Variants in SOX5 observed in about 807,000 individuals in gnomAD.
SOX5 encodes the protein transcription factor SOX-5.
SOX5 carries 9 observed loss-of-function variants against 92.0 expected under a neutral mutation model. That is an observed-to-expected ratio of 0.10 (90% confidence interval 0.06 to 0.17). The LOEUF (loss-of-function observed/expected upper bound fraction) is 0.17, where lower values mean the gene tolerates loss of function less well. Among genes scored for constraint, SOX5 ranks in the 10% least tolerant of loss-of-function variants. The pLI is 1.00. For missense variants in SOX5, 642 were observed against 944.5 expected (o/e 0.68, Z 4.20); for synonymous variants, 344 against 336.3 (o/e 1.02, Z -0.25).
chr12:24,096,811 G>C (rs1484339375), intron 4 of SOX5, among the ~76,000 whole-genome samples: 1 of 151,976 alleles, frequency 6.6e-6, no homozygotes, highest in Non-Finnish European at 1.5e-5. Context: ...ATAACTTTTT[G>C]GTTATGATTA....
Position 24,108,593 on chromosome 12 carries a change from T to C in SOX5, c.-2+104750A>G, listed in dbSNP as rs74596469. ...GTTTAAAATGACATTAATTATAGCC[T>C]ATTAACAAATTCAGAAATCCTATCT... On this transcript the variant is annotated intron_variant, in intron 4 of 4. Coordinates refer to the SOX5 transcript ENST00000446891. Among the ~76,000 whole-genome samples, 480 of 152,284 alleles carry C rather than the reference T, an allele frequency of 3.2e-3. 15 individuals carry two copies. In the East Asian group the frequency reaches 0.085, roughly 27 times the overall value.
chr12:24,359,818 G>A (rs1421623136), intron 2 of SOX5, among the ~76,000 whole-genome samples: 2 of 152,124 alleles, frequency 1.3e-5, no homozygotes, highest in African/African-American at 4.8e-5. Flanking sequence ...AAAGACATTT[G>A]AATAGCCTTG....
At chr12:24,513,693 T>TA (rs1376859484) in intron 1 of SOX5, among the ~76,000 whole-genome samples, 1 of 152,212 alleles carries the variant, frequency 6.6e-6, no homozygotes, top group East Asian at 1.9e-4. Flanking sequence ...TTGATCTGTT[T>TA]AAAAAATGAA....
chr12:23,802,509 C>A (rs1182899391), intron 3 of SOX5, among the ~76,000 whole-genome samples: 2 of 151,468 alleles, frequency 1.3e-5, no homozygotes, highest in Non-Finnish European at 2.9e-5. Flanking sequence ...TTTTTTTAAC[C>A]AATTTTGGAG....
intron 1 of SOX5, among the ~76,000 whole-genome samples, chr12:24,547,774 C>T (rs927608353): frequency 1.8e-4 from 27 of 152,194 alleles, no homozygotes; most frequent in Admixed American, 1.7e-3. Flanking sequence ...TATCACTATA[C>T]TTATCCCAAT....
chr12:24,135,261 A>G (rs1174046888), intron 4 of SOX5, among the ~76,000 whole-genome samples: 1 of 152,152 alleles, frequency 6.6e-6, no homozygotes, highest in African/African-American at 2.4e-5. Context: ...CCCGCCTCAG[A>G]TATAGCAACC....
At chr12:23,836,766 G>C (rs941092206) in intron 3 of SOX5, among the ~76,000 whole-genome samples, 1 of 151,964 alleles carries the variant, frequency 6.6e-6, no homozygotes, top group African/African-American at 2.4e-5. Flanking sequence ...ATCACAACCT[G>C]CTGTTCATTT....
chr12:23,905,719 C>G (rs574570260), intron 1 of SOX5, among the ~76,000 whole-genome samples: 1 of 152,020 alleles, frequency 6.6e-6, no homozygotes, highest in South Asian at 2.1e-4. Context: ...ATTTGTGACT[C>G]CTATGTACAA....
At chr12:24,380,234 C>T (rs1305870285) in intron 1 of SOX5, among the ~76,000 whole-genome samples, 1 of 152,196 alleles carries the variant, frequency 6.6e-6, no homozygotes, top group African/African-American at 2.4e-5. Flanking sequence ...GCTATCTATC[C>T]GCCCAAAGTT....
At chr12:24,276,369 G>C (rs1273895673) in intron 3 of SOX5, among the ~76,000 whole-genome samples, 1 of 152,064 alleles carries the variant, frequency 6.6e-6, no homozygotes, top group Non-Finnish European at 1.5e-5. Flanking sequence ...ATCTTGAAAT[G>C]GTGGGAACAT....
chr12:24,497,181 A>G (rs551736528), intron 1 of SOX5, among the ~76,000 whole-genome samples: 4 of 152,258 alleles, frequency 2.6e-5, no homozygotes, highest in Non-Finnish European at 5.9e-5. Context: ...GAAAATTAAT[A>G]AGATGTATCT....
At chr12:24,175,465 A>T (rs1195955621) in intron 4 of SOX5, among the ~76,000 whole-genome samples, 2 of 152,246 alleles carry the variant, frequency 1.3e-5, no homozygotes, top group African/African-American at 4.8e-5. Flanking sequence ...CCTGTGCAGT[A>T]AGCACAGTGC....
chr12:23,733,277 A>C (rs932090214), intron 6 of SOX5, among the ~76,000 whole-genome samples: 2 of 152,208 alleles, frequency 1.3e-5, no homozygotes, highest in Non-Finnish European at 2.9e-5. Context: ...CTTACTTAGA[A>C]TAAGAAAGTG....
chr12:23,570,979 A>T (rs1288099770), intron 10 of SOX5, among the ~76,000 whole-genome samples: 8 of 84,304 alleles, frequency 9.5e-5, no homozygotes, highest in African/African-American at 2.9e-4. Context: ...ATATATATAT[A>T]TATATTTTCA....
intron 6 of SOX5, among the ~76,000 whole-genome samples, chr12:23,683,610 A>G (rs193047982): frequency 3.3e-5 from 5 of 152,112 alleles, no homozygotes; most frequent in Admixed American, 3.3e-4. Context: ...GGAAACCTTT[A>G]GTATGTAAAT....
At chr12:23,896,601 G>T (rs2097179913) in intron 1 of SOX5, among the ~76,000 whole-genome samples, 2 of 151,046 alleles carry the variant, frequency 1.3e-5, no homozygotes. Flanking sequence ...ATTAAGGATT[G>T]AATAAATTTT....
chr12:23,628,723 G>A (rs1200241844), intron 8 of SOX5, among the ~76,000 whole-genome samples: 2 of 151,646 alleles, frequency 1.3e-5, no homozygotes, highest in Non-Finnish European at 2.9e-5. Context: ...TCTTGTTTTC[G>A]TACCCTCAAT....
At chr12:23,563,880 G>C (rs1465390706) in intron 10 of SOX5, among the ~76,000 whole-genome samples, 2 of 152,012 alleles carry the variant, frequency 1.3e-5, no homozygotes, top group African/African-American at 2.4e-5. Flanking sequence ...GCACTATTAA[G>C]TTTGTTATAT....
chr12:24,464,072 C>A (rs1190564504), intron 1 of SOX5, among the ~76,000 whole-genome samples: 1 of 152,136 alleles, frequency 6.6e-6, no homozygotes, highest in Non-Finnish European at 1.5e-5. Flanking sequence ...AGGGACTACT[C>A]TAGATAGGAT....
Sources: allele counts gnomAD v4.1 joint callset (sites outside exome capture counted in the v4.1 genomes callset), GRCh38; gene constraint gnomAD v4.1.1; transcripts MANE v1.5; gene names NCBI Gene and HGNC (gene_info 2026-07-23, HGNC 2026-07-21).